The following INSL6 variants were observed in gnomAD, a reference collection of about 807,000 sequenced individuals.
INSL6 encodes the protein insulin like 6.
Under a neutral mutation model 9.4 loss-of-function variants are expected in INSL6, and 16 were observed. The observed-to-expected ratio is 1.70, with a 90% CI of 1.15 to 2.59. The LOEUF (loss-of-function observed/expected upper bound fraction) is 2.59. Among genes scored for constraint, INSL6 ranks in the 30% most tolerant of loss-of-function variants. The pLI is 0.00. For missense variants in INSL6, 391 were observed against 257.3 expected (o/e 1.52, Z -3.56); for synonymous variants, 154 against 96.9 (o/e 1.59, Z -3.46).
chr9:5,135,863 T>C (rs1051130072), intron 2 of INSL6, among the ~76,000 whole-genome samples: 1 of 151,176 alleles, frequency 6.6e-6, no homozygotes, highest in Non-Finnish European at 1.5e-5. Flanking sequence ...ATCAACAAAA[T>C]AGATACACGG....
chr9:5,114,331 A>C, the INSL6 span: 2 of 537,368 alleles, frequency 3.7e-6, no homozygotes, highest in East Asian at 4.5e-5. Flanking sequence ...TCTGTGGCTC[A>C]GGTCATCCTA....
intron 3 of INSL6, among the ~76,000 whole-genome samples, chr9:5,130,507 C>A (rs1031845520): frequency 6.6e-6 from 1 of 151,970 alleles, no homozygotes; most frequent in Non-Finnish European, 1.5e-5. Flanking sequence ...ACAATAAGCA[C>A]TAAAAACACA....
intron 1 of INSL6, among the ~76,000 whole-genome samples, chr9:5,167,523 T>A (rs979869911): frequency 6.6e-6 from 1 of 152,216 alleles, no homozygotes; most frequent in African/African-American, 2.4e-5. Context: ...CTTCTTTAGG[T>A]GGGACTCCAA....
At chr9:5,166,097 G>C (rs1227609953) in intron 1 of INSL6, among the ~76,000 whole-genome samples, 1 of 152,196 alleles carries the variant, frequency 6.6e-6, no homozygotes, top group Non-Finnish European at 1.5e-5. Context: ...GAGTTAGTGA[G>C]AACCAAAGCT....
the INSL6 span, among the ~76,000 whole-genome samples, chr9:5,003,180 C>CAA: frequency 2.0e-5 from 3 of 151,944 alleles, no homozygotes; most frequent in East Asian, 3.9e-4. Context: ...GTTTGCTCTT[C>CAA]AAGATTGTTT....
chr9:5,106,667 T>C, the INSL6 span, among the ~76,000 whole-genome samples: 1 of 152,150 alleles, frequency 6.6e-6, no homozygotes, highest in African/African-American at 2.4e-5. Context: ...CCATCAATGA[T>C]AGACTGGATA....
chr9:5,099,576 T>C, the INSL6 span: 1 of 152,344 alleles, frequency 6.6e-6, no homozygotes, highest in South Asian at 2.1e-4. Flanking sequence ...ACGAAATCTA[T>C]TCATCTCTTT....
chr9:5,008,273 A>T, the INSL6 span, among the ~76,000 whole-genome samples: 2 of 152,360 alleles, frequency 1.3e-5, no homozygotes, highest in African/African-American at 2.4e-5. Flanking sequence ...TGATTTCATT[A>T]ATAATTTGTT....
In INSL6 at chr9:5,130,383, T is replaced by C. The variant is rs546702666; in HGVS notation, c.*10+3042A>G. ...AAGCATAGCTTTTAGATCTGAATTA[T>C]TGGTAAATAACAGATAGATCAAGGT... is the stretch of plus-strand genomic sequence containing the variant. On this transcript the variant is annotated intron_variant, in intron 3 of 3. Transcript: ENST00000649639. Among the ~76,000 whole-genome samples, 58 of 152,328 alleles carry C rather than the reference T, an allele frequency of 3.8e-4. 1 individual carries two copies. The South Asian group carries it at 9.9e-3, about 26-fold the overall frequency.
At chr9:4,992,269 G>A in the INSL6 span, among the ~76,000 whole-genome samples, 1 of 152,088 alleles carries the variant, frequency 6.6e-6, no homozygotes, top group Admixed American at 6.5e-5. Flanking sequence ...GCTTCAGGGT[G>A]GTCACCTTTC....
intron 1 of INSL6, among the ~76,000 whole-genome samples, chr9:5,164,947 C>T (rs1406101365): frequency 6.6e-6 from 1 of 152,222 alleles, no homozygotes; most frequent in Non-Finnish European, 1.5e-5. Flanking sequence ...GTGGCTCACG[C>T]CTGTAATCCC....
chr9:5,136,555 T>C (rs1824390247), intron 2 of INSL6, among the ~76,000 whole-genome samples: 1 of 152,176 alleles, frequency 6.6e-6, no homozygotes, highest in South Asian at 2.1e-4. Context: ...AAAAGGCCTT[T>C]GACAAAATTC....
chr9:5,125,401 C>A (rs1823913829), intron 3 of INSL6, among the ~76,000 whole-genome samples: 1 of 151,340 alleles, frequency 6.6e-6, no homozygotes, highest in African/African-American at 2.4e-5. Flanking sequence ...AGCATTCCAT[C>A]ATAAGGCTAT....
chr9:5,026,450 T>G, the INSL6 span, among the ~76,000 whole-genome samples: 1 of 152,214 alleles, frequency 6.6e-6, no homozygotes, highest in Non-Finnish European at 1.5e-5. Flanking sequence ...TGTTAATAAT[T>G]TAAATTAAGA....
At chr9:5,078,911 C>T in the INSL6 span, among the ~76,000 whole-genome samples, 1 of 152,106 alleles carries the variant, frequency 6.6e-6, no homozygotes. Flanking sequence ...TTCATCTTTA[C>T]TACTTAACAC....
downstream of INSL6, among the ~76,000 whole-genome samples, chr9:5,162,917 C>G (rs1162517259): frequency 6.6e-6 from 1 of 152,138 alleles, no homozygotes. Flanking sequence ...TTTGGGTTCA[C>G]TGGGTTCTGT....
intron 2 of INSL6, among the ~76,000 whole-genome samples, chr9:5,152,932 G>C (rs560849905): frequency 3.9e-5 from 6 of 152,020 alleles, no homozygotes; most frequent in Admixed American, 3.9e-4. Context: ...CGCCTCACCC[G>C]GGAAGCACAA....
chr9:5,107,458 A>G, the INSL6 span, among the ~76,000 whole-genome samples: 1 of 152,272 alleles, frequency 6.6e-6, no homozygotes, highest in African/African-American at 2.4e-5. Context: ...GCCATGAGCT[A>G]TTCAAACAAA....
intron 1 of INSL6, among the ~76,000 whole-genome samples, chr9:5,175,656 T>C (rs1320941110): frequency 6.6e-6 from 1 of 152,136 alleles, no homozygotes; most frequent in Non-Finnish European, 1.5e-5. Context: ...GCTCGCATTA[T>C]CACCTGAGCT....
Sources: gnomAD v4.1 joint callset for allele counts (sites outside exome capture counted in the v4.1 genomes callset) on GRCh38, gnomAD v4.1.1 for gene constraint, MANE v1.5 for transcripts, NCBI Gene and HGNC (gene_info 2026-07-23, HGNC 2026-07-21) for gene names.